Variants in ENTREP2 observed in about 807,000 individuals in gnomAD.
ENTREP2 encodes the protein protein ENTREP2.
At chr15:29,381,625 A>G in the ENTREP2 span, 2 of 661,592 alleles carry the variant, frequency 3.0e-6, no homozygotes, top group Admixed American at 2.6e-5. Flanking sequence ...TCACAAGCCC[A>G]TCAGCATTCA....
the ENTREP2 span, among the ~76,000 whole-genome samples, chr15:29,529,499 C>T: frequency 2.0e-5 from 3 of 151,718 alleles, no homozygotes; most frequent in African/African-American, 7.3e-5. Flanking sequence ...TGGACCGTGG[C>T]CTAGAAGGTG....
chr15:29,473,716 C>G, the ENTREP2 span, among the ~76,000 whole-genome samples: 1 of 152,186 alleles, frequency 6.6e-6, no homozygotes, highest in East Asian at 1.9e-4. Flanking sequence ...ATACCAGGCA[C>G]AGCAGCGAGG....
the ENTREP2 span, among the ~76,000 whole-genome samples, chr15:29,485,036 A>G: frequency 2.6e-5 from 4 of 152,192 alleles, no homozygotes; most frequent in African/African-American, 9.7e-5. Flanking sequence ...TGTTGGCAAC[A>G]TTAAAGCATT....
the ENTREP2 span, among the ~76,000 whole-genome samples, chr15:29,409,245 CTCTT>C: frequency 3.3e-5 from 5 of 152,220 alleles, no homozygotes; most frequent in Non-Finnish European, 5.9e-5. Flanking sequence ...CATCCCACAT[CTCTT>C]TCTTTGCTAG....
chr15:29,390,834 A>T, the ENTREP2 span, among the ~76,000 whole-genome samples: 1 of 152,254 alleles, frequency 6.6e-6, no homozygotes, highest in African/African-American at 2.4e-5. Flanking sequence ...TCTAGAACGC[A>T]GTCTTGAAAG....
the ENTREP2 span, among the ~76,000 whole-genome samples, chr15:29,238,751 G>T: frequency 6.6e-6 from 1 of 152,188 alleles, no homozygotes; most frequent in Non-Finnish European, 1.5e-5. Flanking sequence ...AAGGTGAAGG[G>T]AAGCAGGCAC....
the ENTREP2 span, among the ~76,000 whole-genome samples, chr15:29,354,851 T>C: frequency 6.6e-6 from 1 of 152,184 alleles, no homozygotes; most frequent in Non-Finnish European, 1.5e-5. Context: ...AAATATTTTC[T>C]GTAGAGCAGT....
the ENTREP2 span, among the ~76,000 whole-genome samples, chr15:29,366,266 G>A: frequency 6.6e-6 from 1 of 152,054 alleles, no homozygotes; most frequent in Non-Finnish European, 1.5e-5. Context: ...GTAGAGACAG[G>A]GTTTCACCAT....
chr15:29,239,499 T>C, the ENTREP2 span, among the ~76,000 whole-genome samples: 1 of 151,700 alleles, frequency 6.6e-6, no homozygotes, highest in African/African-American at 2.4e-5. Flanking sequence ...CCTCTTTAAT[T>C]TGGGGGGGAC....
chr15:29,268,673 A>C, the ENTREP2 span: 7 of 969,278 alleles, frequency 7.2e-6, no homozygotes, highest in African/African-American at 1.1e-4. Context: ...CTAAAGCTAC[A>C]CACATTGAAG....
chr15:29,599,042 C>T, the ENTREP2 span, among the ~76,000 whole-genome samples: 1 of 152,192 alleles, frequency 6.6e-6, no homozygotes, highest in Non-Finnish European at 1.5e-5. Context: ...TTCCTCATCC[C>T]ATCTCCATGC....
At chr15:29,579,610 C>G in the ENTREP2 span, among the ~76,000 whole-genome samples, 17,645 of 146,110 alleles carry the variant, frequency 0.12, 1,901 homozygotes, top group East Asian at 0.46. Context: ...ATCTCCACCT[C>G]CTGGATTCAA....
the ENTREP2 span, among the ~76,000 whole-genome samples, chr15:29,147,179 C>A: frequency 6.6e-6 from 1 of 152,172 alleles, no homozygotes. Context: ...ACAGAAATAA[C>A]TTTTACAACT....
chr15:29,171,880 C>G, the ENTREP2 span, among the ~76,000 whole-genome samples: 8 of 152,206 alleles, frequency 5.3e-5, no homozygotes, highest in African/African-American at 1.9e-4. Context: ...AGTTAAAACA[C>G]TACTGTCATC....
the ENTREP2 span, among the ~76,000 whole-genome samples, chr15:29,161,101 G>A: frequency 6.6e-6 from 1 of 152,172 alleles, no homozygotes; most frequent in Non-Finnish European, 1.5e-5. Flanking sequence ...TCTATGTTGG[G>A]AGAGGCAGTC....
the ENTREP2 span, among the ~76,000 whole-genome samples, chr15:29,623,414 T>C: frequency 6.6e-6 from 1 of 152,168 alleles, no homozygotes; most frequent in Admixed American, 6.5e-5. Context: ...ACACTGTAGT[T>C]AGCACCATTT....
chr15:29,410,495 T>TC, the ENTREP2 span, among the ~76,000 whole-genome samples: 1 of 151,702 alleles, frequency 6.6e-6, no homozygotes, highest in Non-Finnish European at 1.5e-5. Flanking sequence ...TGAAATGTGC[T>TC]CGGTAACTGC....
the ENTREP2 span, among the ~76,000 whole-genome samples, chr15:29,215,192 A>G: frequency 6.6e-6 from 1 of 152,144 alleles, no homozygotes; most frequent in Non-Finnish European, 1.5e-5. Flanking sequence ...ATTTGTGATG[A>G]TTAATACCAA....
chr15:29,263,544 T>C, the ENTREP2 span, among the ~76,000 whole-genome samples: 3 of 152,296 alleles, frequency 2.0e-5, no homozygotes, highest in South Asian at 2.1e-4. Context: ...GGATAGTGGA[T>C]TGGTTATTTA....
Sources: gnomAD v4.1 joint callset for allele counts (sites outside exome capture counted in the v4.1 genomes callset) on GRCh38, gnomAD v4.1.1 for gene constraint, MANE v1.5 for transcripts, NCBI Gene and HGNC (gene_info 2026-07-23, HGNC 2026-07-21) for gene names.